NWD1: variants seen among roughly 807,000 people sequenced by gnomAD.
The protein encoded by NWD1 is NACHT and WD repeat domain containing 1, also known as NACHT domain- and WD repeat-containing protein 1.
NWD1 carries 129 observed loss-of-function variants against 135.1 expected under a neutral mutation model. That is an observed-to-expected ratio of 0.96 (90% CI 0.83 to 1.11). The LOEUF is 1.11. Among genes scored for constraint, NWD1 ranks in the 50% least tolerant of loss-of-function variants. NWD1 has a pLI of 0.00. For synonymous variants in NWD1, 773 were observed against 786.0 expected, an observed-to-expected ratio of 0.98 and a Z score of 0.28; for missense variants, 1,740 against 1,851.3, an observed-to-expected ratio of 0.94 and a Z score of 1.10.
rs11445714 is a variant in NWD1, at chr19:16,730,911, CTTT to C, written c.-6-266_-6-264del. 2.6e-3 allele frequency among the ~76,000 whole-genome samples: 324 copies of C among 122,860 alleles called. 1 individual carries two copies. Among genetic ancestry groups the C allele is most frequent in the African/African-American group, 8.8e-3 (288 of 32,750 alleles). 80.6% of individuals were successfully genotyped at this position (122,860 alleles called of 152,430 possible). A position where few individuals can be genotyped will look rare whatever the true frequency, so the allele number is the denominator to read the frequency against. The stretch of plus-strand genomic sequence containing the variant: ...CGATTTTTTTTATTTTTCTTTCTTT[CTTT>C]TTTTTTTTTTTTTTGAGATGGTGGC... On this transcript the variant is annotated intron_variant, in intron 2 of 18. Coordinates refer to ENST00000524140, the MANE Select transcript of NWD1 (RefSeq NM_001007525.5).
In NWD1 at chr19:16,743,894, G is replaced by T. The variant is rs191021782; in HGVS notation, c.199-527G>T. Reference sequence around the variant, plus strand: ...TATGGGATTTCACTATGTTGGCCAGGCCAGTCTTGAACTCCTGACCTCAGG... The same window carrying T: ...TATGGGATTTCACTATGTTGGCCAGTCCAGTCTTGAACTCCTGACCTCAGG... On this transcript the variant is annotated intron_variant, in intron 4 of 18. Coordinates refer to ENST00000524140, the MANE Select transcript of NWD1 (RefSeq NM_001007525.5). Among the ~76,000 whole-genome samples, 21 of 151,894 alleles carry T rather than the reference G, an allele frequency of 1.4e-4. No individual in the cohort carries two copies. In the East Asian group the frequency reaches 3.3e-3, roughly 24 times the overall value.
intron 9 of NWD1, 37 bp from the exon 10 acceptor site, chr19:16,764,997 A>G (rs773373492): frequency 1.2e-5 from 20 of 1,607,434 alleles, no homozygotes; most frequent in Middle Eastern, 1.7e-4. Context: ...GGAGGGAGGT[A>G]GGCACTTCCC....
chr19:16,767,219 G>A (rs143401903), intron 10 of NWD1, among the ~76,000 whole-genome samples: 2,716 of 120,686 alleles, frequency 0.023, 81 homozygotes, highest in African/African-American at 0.071. Flanking sequence ...TCGCTCTGTC[G>A]CCCAGGCTGG....
At chr19:16,721,891 G>A (rs999767175) in intron 1 of NWD1, among the ~76,000 whole-genome samples, 1 of 152,034 alleles carries the variant, frequency 6.6e-6, no homozygotes, top group Non-Finnish European at 1.5e-5. Flanking sequence ...CAGGAGGATG[G>A]CTTGAGGCCA....
intron 12 of NWD1, among the ~76,000 whole-genome samples, chr19:16,781,206 A>C (rs1166180371): frequency 6.6e-6 from 1 of 152,126 alleles, no homozygotes; most frequent in African/African-American, 2.4e-5. Context: ...AGGATGGAAA[A>C]CTATTCATTC....
intron 11 of NWD1, among the ~76,000 whole-genome samples, chr19:16,777,549 A>G: frequency 1.3e-4 from 1 of 7,766 alleles, no homozygotes; most frequent in Non-Finnish European, 2.4e-4. Context: ...GAAGAGGGAG[A>G]GAAGGGGAGG....
At position 16,797,750 on chromosome 19, in the gene NWD1, G is replaced by A. The variant is rs536305657; in HGVS notation, c.3323G>A (p.Arg1108Gln). The A allele has an allele frequency of 9.1e-5, 147 of 1,613,882 alleles. No individual in the cohort carries two copies. Among genetic ancestry groups the A allele is most frequent in the Non-Finnish European group, 1.1e-4 (133 of 1,179,946 alleles). Residue 1108 changes from arginine (R) to glutamine (Q), a missense_variant, in exon 16 of 19, where the codon CGG becomes CAG. Arg to Gln is a conservative substitution (Grantham distance 43). Coordinates refer to ENST00000524140, the MANE Select transcript of NWD1 (RefSeq NM_001007525.5). ...LLAAGFGRSVRIFLADSRGFR... is the reference protein window; with the variant it reads ...LLAAGFGRSVQIFLADSRGFR... ...GTTTCAGGCTTTGGAAGATCGGTGC[G>A]GATATTCTTGGCGGACTCGAGGGGC...
chr19:16,791,816 C>T (rs534507964), intron 14 of NWD1, among the ~76,000 whole-genome samples, 194 bp downstream of exon 14: 9 of 152,294 alleles, frequency 5.9e-5, no homozygotes, highest in East Asian at 5.8e-4. Context: ...CGGGTTCAAG[C>T]GATTCTCACT....
At chr19:16,740,151 T>C (rs1210511190) in intron 4 of NWD1, among the ~76,000 whole-genome samples, 1 of 149,528 alleles carries the variant, frequency 6.7e-6, no homozygotes, top group Non-Finnish European at 1.5e-5. Flanking sequence ...AAAAGAACAG[T>C]TAGCTGGGGT....
chr19:16,791,525 A>G lies in NWD1; in HGVS notation c.3116A>G (p.His1039Arg). The part of the protein sequence containing the change: ...SATGKLQGKQ[H>R]MSSIKEETPT... ...ACGGGAAAACTTCAGGGGAAGCAAC[A>G]TATGTCCAGCATCAAAGAAGAAACA... Residue 1039 changes from histidine to arginine, a missense_variant, in exon 14 of 19, where the codon CAT (histidine) becomes CGT (arginine). His to Arg is a conservative substitution (Grantham distance 29). Transcript: ENST00000524140. 1.2e-6 allele frequency: 2 copies of G among 1,614,176 alleles called. No homozygotes were observed. Among genetic ancestry groups the G allele is most frequent in the Non-Finnish European group, 1.7e-6 (2 of 1,180,026 alleles).
intron 12 of NWD1, among the ~76,000 whole-genome samples, chr19:16,780,953 C>A (rs1330430584): frequency 3.3e-5 from 5 of 152,128 alleles, no homozygotes; most frequent in Non-Finnish European, 7.3e-5. Context: ...GCCACTACAC[C>A]CAGCCTAGGC....
rs750762939 is a variant in NWD1 at position 16,749,130 on chromosome 19, C to A, written c.497-9C>A. On this transcript the variant is annotated splice_polypyrimidine_tract_variant and intron_variant, in intron 5 of 18. Coordinates refer to ENST00000524140, the MANE Select transcript of NWD1 (RefSeq NM_001007525.5). ...CCACACTTCCTTCCCACCTTCCCCACTTTGGCAGTCATTGAGTGGGAGATA... is the reference window on the plus strand; with the variant it reads ...CCACACTTCCTTCCCACCTTCCCCAATTTGGCAGTCATTGAGTGGGAGATA... 7 of 1,581,026 alleles carry A rather than the reference C, an allele frequency of 4.4e-6. No individual in the cohort carries two copies. The highest frequency in any genetic ancestry group is 1.2e-5 in the South Asian group (1 of 86,798).
chr19:16,778,479 C>G (rs1052294621), intron 11 of NWD1, among the ~76,000 whole-genome samples: 1 of 72,774 alleles, frequency 1.4e-5, no homozygotes, highest in Non-Finnish European at 2.3e-5. Context: ...TCTTTTCTTT[C>G]TTCTTCTTCT....
chr19:16,762,843 G>A (rs1460550233), intron 8 of NWD1, among the ~76,000 whole-genome samples: 1 of 151,612 alleles, frequency 6.6e-6, no homozygotes, highest in Non-Finnish European at 1.5e-5. Flanking sequence ...GGAGTTCACT[G>A]GCATGATCTC....
In NWD1 at chr19:16,791,497, G is replaced by A. The variant is rs1312126633; in HGVS notation, c.3088G>A (p.Ala1030Thr). 1 of 1,614,176 alleles carries A rather than the reference G, an allele frequency of 6.2e-7. No homozygotes were observed. Residue 1030 changes from alanine (A) to threonine (T), a missense_variant, in exon 14 of 19, where the codon GCT becomes ACT. By Grantham distance (58) the Ala-to-Thr change is moderately conservative (BLOSUM62 0). Transcript: ENST00000524140. ...TGGTGTGGTCAGTCTGTGGAGCTCA[G>A]CTACGGGAAAACTTCAGGGGAAGCA... The part of the protein sequence containing the change: ...RDGVVSLWSS[A>T]TGKLQGKQHM...
chr19:16,721,225 C>T (rs575403847), intron 1 of NWD1, among the ~76,000 whole-genome samples: 6 of 151,780 alleles, frequency 4.0e-5, no homozygotes, highest in South Asian at 2.1e-4. Context: ...GGGTGGGGGC[C>T]GGAAATGCTT....
At chr19:16,810,603 A>G (rs944207768) in intron 18 of NWD1, among the ~76,000 whole-genome samples, 19 of 151,970 alleles carry the variant, frequency 1.3e-4, no homozygotes, top group African/African-American at 4.1e-4. Context: ...TCCCATCTCT[A>G]GAAAAAAAAA....
chr19:16,752,495 A>G (rs1471464647), intron 6 of NWD1, among the ~76,000 whole-genome samples: 2 of 146,980 alleles, frequency 1.4e-5, no homozygotes, highest in Non-Finnish European at 3.0e-5. Flanking sequence ...TGTCTATACA[A>G]CAATTTTTTT....
chr19:16,758,061 AAAAG>A (rs1968865071), intron 6 of NWD1, among the ~76,000 whole-genome samples: 1 of 152,034 alleles, frequency 6.6e-6, no homozygotes, highest in African/African-American at 2.4e-5. Context: ...CAAAAAAAAA[AAAAG>A]AATTTTGGAA....
Sources: allele counts gnomAD v4.1 joint callset (sites outside exome capture counted in the v4.1 genomes callset), GRCh38; gene constraint gnomAD v4.1.1; transcripts MANE v1.5; gene names NCBI Gene and HGNC (gene_info 2026-07-23, HGNC 2026-07-21).